The following MAP4K4 variants were observed in gnomAD, a reference collection of about 807,000 sequenced individuals.
MAP4K4 encodes the protein HPK/GCK-like kinase HGK.
MAP4K4 carries 38 observed loss-of-function variants against 189.6 expected under a neutral mutation model. That is an observed-to-expected ratio of 0.20 (90% CI 0.15 to 0.26). MAP4K4 has a LOEUF of 0.26. Among genes scored for constraint, MAP4K4 ranks in the 10% least tolerant of loss-of-function variants. MAP4K4 has a pLI of 1.00. For synonymous variants in MAP4K4, 610 were observed against 624.3 expected (o/e 0.98, Z 0.34); for missense variants, 1,054 against 1,726.9 (o/e 0.61, Z 6.91).
At chr2:101,784,965 A>T (rs74353640) in intron 2 of MAP4K4, among the ~76,000 whole-genome samples, 36 of 152,266 alleles carry the variant, frequency 2.4e-4, no homozygotes, top group Non-Finnish European at 4.7e-4. Flanking sequence ...ACAACAATGC[A>T]TATAAAATGC....
chr2:101,709,359 C>T (rs1394716711), intron 2 of MAP4K4, among the ~76,000 whole-genome samples: 7 of 152,180 alleles, frequency 4.6e-5, no homozygotes, highest in South Asian at 2.1e-4. Context: ...TGAGCTACCA[C>T]GCCCAGCTAA....
intron 2 of MAP4K4, among the ~76,000 whole-genome samples, chr2:101,711,895 T>C (rs993963767): frequency 6.6e-6 from 1 of 151,820 alleles, no homozygotes; most frequent in African/African-American, 2.4e-5. Context: ...TATTTATTTT[T>C]TTCTTGTCTT....
chr2:101,865,097 G>A, intron 18 of MAP4K4, 61 bp downstream of exon 18: 1 of 1,021,892 alleles, frequency 9.8e-7, no homozygotes, highest in Non-Finnish European at 1.4e-6. Context: ...GCCTTACATT[G>A]TCTGTTTCAT....
At chr2:101,799,542 T>G (rs2094158010) in intron 3 of MAP4K4, among the ~76,000 whole-genome samples, 1 of 152,074 alleles carries the variant, frequency 6.6e-6, no homozygotes, top group African/African-American at 2.4e-5. Context: ...ATAACTACCT[T>G]TGCCCTGTGA....
chr2:101,889,796 G>A (rs1457565297), intron 32 of MAP4K4, among the ~76,000 whole-genome samples: 1 of 152,010 alleles, frequency 6.6e-6, no homozygotes, highest in African/African-American at 2.4e-5. Flanking sequence ...TAAACATTTA[G>A]TCATTTAATG....
chr2:101,805,350 T>C (rs1024336779), intron 3 of MAP4K4, among the ~76,000 whole-genome samples: 13 of 152,180 alleles, frequency 8.5e-5, no homozygotes, highest in African/African-American at 3.1e-4. Flanking sequence ...GTTCTTGATA[T>C]AAATGGAACC....
At chr2:101,801,781 C>A (rs1575787123) in intron 3 of MAP4K4, among the ~76,000 whole-genome samples, 1 of 152,196 alleles carries the variant, frequency 6.6e-6, no homozygotes, top group African/African-American at 2.4e-5. Context: ...TCATCAGCAT[C>A]TCTACTTGGA....
intron 2 of MAP4K4, among the ~76,000 whole-genome samples, chr2:101,716,454 A>G (rs1467969299): frequency 6.6e-6 from 1 of 152,006 alleles, no homozygotes; most frequent in Non-Finnish European, 1.5e-5. Context: ...AAACAAAAAC[A>G]GAAACAAACA....
chr2:101,810,880 T>G (rs1000173585), intron 3 of MAP4K4, among the ~76,000 whole-genome samples: 1 of 152,286 alleles, frequency 6.6e-6, no homozygotes, highest in Middle Eastern at 3.4e-3. Context: ...AGGCTTACTA[T>G]TGAGTAGAAA....
rs2062028604 is a variant in MAP4K4, at chr2:101,740,164, T to TGTGCCTCTAA, written c.123+41626_123+41627insGTGCCTCTAA. ...GCTTTATATCATCTTTTTTTTTTTTTTTTTTTTGAGACGGAGTCTCGCTCT... is the reference window on the plus strand; with the variant it reads ...GCTTTATATCATCTTTTTTTTTTTTTGTGCCTCTAATTTTTTTGAGACGGAGTCTCGCTCT... On this transcript the variant is annotated intron_variant, in intron 2 of 32. Coordinates refer to ENST00000324219, the Ensembl canonical transcript of MAP4K4. Among the ~76,000 whole-genome samples, 101 of 98,564 alleles carry TGTGCCTCTAA rather than the reference T, an allele frequency of 1.0e-3. 2 individuals are homozygous for TGTGCCTCTAA. Among genetic ancestry groups the TGTGCCTCTAA allele is most frequent in the African/African-American group, 9.7e-3 (59 of 6,096 alleles). 64.7% of individuals were successfully genotyped at this position (98,564 alleles called of 152,430 possible).
At chr2:101,717,315 A>G (rs780663327) in intron 2 of MAP4K4, among the ~76,000 whole-genome samples, 2 of 152,132 alleles carry the variant, frequency 1.3e-5, no homozygotes, top group Non-Finnish European at 2.9e-5. Flanking sequence ...TCCTTCCCCA[A>G]ATTGTTGATA....
intron 2 of MAP4K4, among the ~76,000 whole-genome samples, chr2:101,778,511 G>T (rs547390026): frequency 6.6e-6 from 1 of 152,204 alleles, no homozygotes; most frequent in Non-Finnish European, 1.5e-5. Flanking sequence ...TGGCGCTTTG[G>T]GGGGATACCT....
chr2:101,797,889 G>GTTTTTATTTTTTTTTTTT (rs2093918839), intron 3 of MAP4K4, among the ~76,000 whole-genome samples: 1 of 52,304 alleles, frequency 1.9e-5, no homozygotes, highest in Non-Finnish European at 3.3e-5. Context: ...CATTCTTTTA[G>GTTTTTATTTTTTTTTTTT]TTTTTTTTTT....
chr2:101,796,245 C>T (rs2093675525), intron 3 of MAP4K4, among the ~76,000 whole-genome samples: 1 of 152,284 alleles, frequency 6.6e-6, no homozygotes, highest in East Asian at 1.9e-4. Context: ...ATTGGACCAG[C>T]AGCTGCTGCG....
chr2:101,698,434 T>G, intron 1 of MAP4K4, 39 bp from the exon 2 acceptor site: 1 of 1,560,412 alleles, frequency 6.4e-7, no homozygotes, highest in East Asian at 2.2e-5. Flanking sequence ...TTTTTTTGGC[T>G]TCTTTTAAAT....
intron 3 of MAP4K4, among the ~76,000 whole-genome samples, chr2:101,790,999 G>T (rs2092790728): frequency 6.6e-6 from 1 of 152,088 alleles, no homozygotes; most frequent in Admixed American, 6.6e-5. Context: ...CACACGCAGT[G>T]CACACACACA....
chr2:101,752,363 G>A (rs1280772932), intron 2 of MAP4K4, among the ~76,000 whole-genome samples: 1 of 152,142 alleles, frequency 6.6e-6, no homozygotes, highest in Non-Finnish European at 1.5e-5. Flanking sequence ...CTTACGGAGT[G>A]CTTAGTTTCT....
At chr2:101,716,374 C>A (rs1194195143) in intron 2 of MAP4K4, among the ~76,000 whole-genome samples, 1 of 152,098 alleles carries the variant, frequency 6.6e-6, no homozygotes, top group African/African-American at 2.4e-5. Flanking sequence ...ACCTGGGAGG[C>A]AGAGCTTGCG....
At chr2:101,711,702 G>A (rs754821471) in intron 2 of MAP4K4, among the ~76,000 whole-genome samples, 1 of 152,072 alleles carries the variant, frequency 6.6e-6, no homozygotes, top group African/African-American at 2.4e-5. Flanking sequence ...AGTCCCATTA[G>A]TATGCTGGCT....
Sources: gnomAD v4.1 joint callset for allele counts (sites outside exome capture counted in the v4.1 genomes callset) on GRCh38, gnomAD v4.1.1 for gene constraint, MANE v1.5 for transcripts, NCBI Gene and HGNC (gene_info 2026-07-23, HGNC 2026-07-21) for gene names.